Variants in AHNAK observed in about 807,000 individuals in gnomAD.
AHNAK encodes AHNAK nucleoprotein.
AHNAK carries 23 observed loss-of-function variants against 37.8 expected under a neutral mutation model. That is an observed-to-expected ratio of 0.61 (90% confidence interval 0.44 to 0.86). The LOEUF (loss-of-function observed/expected upper bound fraction) is 0.86. Ranked by LOEUF, AHNAK falls within the 40% of genes least tolerant of loss-of-function variation. The probability of loss-of-function intolerance (pLI) is 0.00; values close to 1 mark genes in which losing one functional copy is unlikely to be tolerated. For missense variants in AHNAK, 7,411 were observed against 7,319.4 expected (o/e 1.01, Z -0.46); for synonymous variants, 2,481 against 2,636.3 (o/e 0.94, Z 1.80).
At chr11:62,478,579 TACA>T (rs914369922) in intron 5 of AHNAK, among the ~76,000 whole-genome samples, 49 of 151,852 alleles carry the variant, frequency 3.2e-4, no homozygotes, top group Non-Finnish European at 4.0e-4. Flanking sequence ...ACCTCATCTC[TACA>T]ACAACAACGA....
chr11:62,518,165 A>T lies in AHNAK; in HGVS notation c.16252T>A (p.Ser5418Thr). The T allele has an allele frequency of 1.2e-6, 2 of 1,614,042 alleles. No individual in the cohort carries two copies. The highest frequency in any genetic ancestry group is 1.7e-6 in the Non-Finnish European group (2 of 1,179,992). ...CCCTTGGCATTGACGTGCAAGTCGG[A>T]CCCCGGAGTAGAGATGCCAAATTGG... ...LPQFGISTPG[S>T]DLHVNAKGPQ... Residue 5418 changes from serine (S) to threonine (T), a missense_variant, in exon 5 of 5, where the codon TCC (serine) becomes ACC (threonine). Transcript: ENST00000378024.
At chr11:62,537,318 G>T (rs1445605790) in intron 1 of AHNAK, 1 of 152,202 alleles carries the variant, frequency 6.6e-6, no homozygotes, top group Non-Finnish European at 1.5e-5. Flanking sequence ...GTGCAGGGGC[G>T]CAATCACGAC....
At chr11:62,543,694 G>C (rs898484567) in intron 1 of AHNAK, among the ~76,000 whole-genome samples, 2 of 152,296 alleles carry the variant, frequency 1.3e-5, no homozygotes, top group South Asian at 4.1e-4. Context: ...GGAAGCCTTG[G>C]GAGTCCCACC....
At position 62,520,042 on chromosome 11, in the gene AHNAK, C is replaced by A. The variant is rs1164402477; in HGVS notation, c.14375G>T (p.Gly4792Val). The change falls in exon 5 of 5, where the codon GGC becomes GTC. Residue 4792 changes from glycine (G) to valine (V), a missense_variant. Gly to Val is a moderately radical substitution (Grantham distance 109). Coordinates refer to ENST00000378024, the MANE Select transcript of AHNAK (RefSeq NM_001620.3). ...CACATCTGGACCTTCTCCTTTGAAG[C>A]CAGGCATGCTGAATTTGGGCATTTT... ...KVKMPKFSMP[G>V]FKGEGPDVDV... 1 of 1,613,250 alleles carries A rather than the reference C, an allele frequency of 6.2e-7. No individual in the cohort carries two copies.
In AHNAK at chr11:62,517,133, A is replaced by G. The variant is rs1452404451; in HGVS notation, c.17284T>C (p.Ser5762Pro). ...AAGGAGAATTTGCCTTTCGGTGAAG[A>G]GGCTTCGGCCTCTGCCTCTCCTTCC... ...SLEGEAEAEA[S>P]SPKGKFSLFK... is the part of the protein sequence containing the mutation. Residue 5762 changes from serine (S) to proline (P), a missense_variant, in exon 5 of 5, where the codon TCT (serine) becomes CCT (proline). Transcript: ENST00000378024. 1 of 1,612,988 alleles carries G rather than the reference A, an allele frequency of 6.2e-7. No individual in the cohort carries two copies. Among genetic ancestry groups the G allele is most frequent in the Non-Finnish European group, 8.5e-7 (1 of 1,179,822 alleles).
At chr11:62,439,461 C>A (rs1476514296) in intron 5 of AHNAK, among the ~76,000 whole-genome samples, 1 of 152,018 alleles carries the variant, frequency 6.6e-6, no homozygotes, top group South Asian at 2.1e-4. Context: ...GCACCTTAAA[C>A]TCGACCCAGC....
At position 62,522,964 on chromosome 11, in the gene AHNAK, T is replaced by C. The variant is rs1461180008; in HGVS notation, c.11453A>G (p.Lys3818Arg). Residue 3818 changes from lysine to arginine, a missense_variant, in exon 5 of 5, where the codon AAA becomes AGA. By Grantham distance (26) the Lys-to-Arg change is conservative. Coordinates refer to ENST00000378024, the MANE Select transcript of AHNAK (RefSeq NM_001620.3). ...CACATCCACATCTGGGCCCTCTCCT[T>C]TGAAGCCAGGCATGCTGAACTTGGG... ...KMPKFSMPGF[K>R]GEGPDVDVNL... is the part of the protein sequence containing the mutation. 9 of 1,613,448 alleles carry C rather than the reference T, an allele frequency of 5.6e-6. No individual in the cohort carries two copies. In the Admixed American group the frequency reaches 1.5e-4, roughly 27 times the overall value.
At chr11:62,443,289 T>TTTTTTTTTTTTTA (rs1938351317) in intron 5 of AHNAK, among the ~76,000 whole-genome samples, 2 of 145,318 alleles carry the variant, frequency 1.4e-5, no homozygotes, top group Non-Finnish European at 3.0e-5. Context: ...TTTTTTTTTT[T>TTTTTTTTTTTTTA]GAGACAGAGT....
rs1008394059 is a variant in AHNAK, at chr11:62,527,687, G to A, written c.6730C>T (p.Pro2244Ser). Residue 2244 changes from proline to serine, a missense_variant, in exon 5 of 5, where the codon CCT (proline) becomes TCT (serine). Coordinates refer to ENST00000378024, the MANE Select transcript of AHNAK (RefSeq NM_001620.3). Reference sequence around the variant, plus strand: ...CTGAACTTGGGCATTTTCATCTTAGGCATCTTCAGGTGCCAGTCTGGGCCA... The same window carrying A: ...CTGAACTTGGGCATTTTCATCTTAGACATCTTCAGGTGCCAGTCTGGGCCA... ...VHGPDWHLKM[P>S]KMKMPKFSMP... The A allele has an allele frequency of 1.2e-6, 2 of 1,613,920 alleles. No individual in the cohort carries two copies. Among genetic ancestry groups the A allele is most frequent in the Non-Finnish European group, 1.7e-6 (2 of 1,179,990 alleles).
In AHNAK at chr11:62,523,848, C is replaced by G; in HGVS notation, c.10569G>C (p.Glu3523Asp). Reference sequence around the variant, plus strand: ...TGAATTTGGGACCTTTCAAGCCTCCCTCCGGACCTTCCACATTGAGATCTG... The same window carrying G: ...TGAATTTGGGACCTTTCAAGCCTCCGTCCGGACCTTCCACATTGAGATCTG... ...EGPDLNVEGP[E>D]GGLKGPKFKM... Residue 3523 changes from glutamate (E) to aspartate (D), a missense_variant, in exon 5 of 5, where the codon GAG becomes GAC. Coordinates refer to ENST00000378024, the MANE Select transcript of AHNAK (RefSeq NM_001620.3). The G allele has an allele frequency of 1.2e-6, 2 of 1,614,110 alleles. No homozygotes were observed. Among genetic ancestry groups the G allele is most frequent in the South Asian group, 2.2e-5 (2 of 91,072 alleles).
intron 5 of AHNAK, among the ~76,000 whole-genome samples, chr11:62,484,436 G>A (rs1939347651): frequency 6.6e-6 from 1 of 152,142 alleles, no homozygotes; most frequent in South Asian, 2.1e-4. Context: ...GTCAGGGGAA[G>A]GAGGGCTTGC....
Position 62,518,862 on chromosome 11 carries a change from C to T in AHNAK, c.15555G>A (p.Pro5185=), listed in dbSNP as rs777342376. ...IEGLDAKVKT[P]SFGISAPQVS... is the part of the protein sequence containing the mutation. ...CTTGAGGGGCAGAAATGCCGAAGGACGGTGTTTTGACTTTAGCATCTAGGC... is the reference window on the plus strand; with the variant it reads ...CTTGAGGGGCAGAAATGCCGAAGGATGGTGTTTTGACTTTAGCATCTAGGC... Residue 5185 remains proline (P), a synonymous_variant, in exon 5 of 5, where the codon CCG becomes CCA. Coordinates refer to ENST00000378024, the MANE Select transcript of AHNAK (RefSeq NM_001620.3). 107 of 1,614,024 alleles carry T rather than the reference C, an allele frequency of 6.6e-5. No individual in the cohort carries two copies. Among genetic ancestry groups the T allele is most frequent in the Non-Finnish European group, 8.1e-5 (96 of 1,180,022 alleles).
chr11:62,453,628 C>T (rs894532779), intron 5 of AHNAK, among the ~76,000 whole-genome samples: 2 of 152,146 alleles, frequency 1.3e-5, no homozygotes, highest in African/African-American at 2.4e-5. Context: ...GCATTCAAGG[C>T]TGTCTCAGTC....
chr11:62,442,869 CA>C (rs796231873), intron 5 of AHNAK, among the ~76,000 whole-genome samples: 14 of 143,178 alleles, frequency 9.8e-5, no homozygotes, highest in Non-Finnish European at 7.7e-5. Flanking sequence ...GACTCCATCT[CA>C]AAAAAAAAAG....
At chr11:62,460,638 T>C (rs1395863364) in intron 5 of AHNAK, among the ~76,000 whole-genome samples, 1 of 152,106 alleles carries the variant, frequency 6.6e-6, no homozygotes, top group Non-Finnish European at 1.5e-5. Context: ...CTTGAGCAGA[T>C]TGTGACAGAA....
chr11:62,539,099 C>T (rs1941043242), intron 1 of AHNAK, among the ~76,000 whole-genome samples: 1 of 152,186 alleles, frequency 6.6e-6, no homozygotes, highest in Non-Finnish European at 1.5e-5. Context: ...AAAACACCTC[C>T]TCCCTTCCGG....
intron 1 of AHNAK, chr11:62,545,974 T>G (rs1490025360): frequency 6.6e-6 from 1 of 152,210 alleles, no homozygotes; most frequent in East Asian, 1.9e-4. Flanking sequence ...TCCCTAATTT[T>G]GTCCCCCTCC....
At chr11:62,493,291 A>G (rs1305560676) in intron 4 of AHNAK, among the ~76,000 whole-genome samples, 2 of 142,572 alleles carry the variant, frequency 1.4e-5, no homozygotes, top group Non-Finnish European at 3.1e-5. Flanking sequence ...TGGGATTACA[A>G]GTGTAAGACA....
Position 62,477,420 on chromosome 11 carries a change from A to G in AHNAK, c.442+14312T>C, listed in dbSNP as rs1336089059. Among the ~76,000 whole-genome samples the G allele has an allele frequency of 2.0e-5, 3 of 152,156 alleles. No individual in the cohort carries two copies. The East Asian group carries it at 5.8e-4, about 29-fold the overall frequency. On this transcript the variant is annotated intron_variant, in intron 5 of 5. Transcript: ENST00000257247. ...AAGATAACTATTGGGTACTGAACTT[A>G]ATTCCTGGGTGATGAAATAACCTGT... is the stretch of plus-strand genomic sequence containing the variant.
Sources: gnomAD v4.1 joint callset for allele counts (sites outside exome capture counted in the v4.1 genomes callset) on GRCh38, gnomAD v4.1.1 for gene constraint, MANE v1.5 for transcripts, NCBI Gene and HGNC (gene_info 2026-07-23, HGNC 2026-07-21) for gene names.